The following POT1 variants were observed in gnomAD, a reference collection of about 807,000 sequenced individuals.
POT1 encodes protection of telomeres protein 1.
POT1 carries 47 observed loss-of-function variants against 78.5 expected under a neutral mutation model. The observed-to-expected ratio is 0.60, with a 90% confidence interval of 0.47 to 0.76. The LOEUF (loss-of-function observed/expected upper bound fraction) is 0.76, where lower values mean the gene tolerates loss of function less well. POT1 is among the 30% of genes least tolerant of loss of function. The pLI is 0.00. For missense variants in POT1, 646 were observed against 749.9 expected (o/e 0.86, Z 1.62); for synonymous variants, 259 against 260.7 (o/e 0.99, Z 0.06).
chr7:124,917,689 C>T (rs1238985650), intron 2 of POT1, among the ~76,000 whole-genome samples: 1 of 152,152 alleles, frequency 6.6e-6, no homozygotes, highest in Non-Finnish European at 1.5e-5. Context: ...AAAGCAGGTG[C>T]TTTTGCTTCA....
intron 6 of POT1, among the ~76,000 whole-genome samples, chr7:124,871,261 A>T (rs1795861333): frequency 6.6e-6 from 1 of 152,126 alleles, no homozygotes; most frequent in African/African-American, 2.4e-5. Flanking sequence ...TAGTAAAACA[A>T]AAATAAAAAT....
intron 3 of POT1, among the ~76,000 whole-genome samples, chr7:124,898,988 C>T (rs1796557751): frequency 1.3e-5 from 2 of 152,120 alleles, no homozygotes; most frequent in Admixed American, 1.3e-4. Flanking sequence ...TGCATTGCTG[C>T]ATATATATTT....
chr7:124,921,465 CA>C (rs1361988921), intron 2 of POT1, among the ~76,000 whole-genome samples: 1 of 151,678 alleles, frequency 6.6e-6, no homozygotes, highest in Non-Finnish European at 1.5e-5. Context: ...AAGAAAATTC[CA>C]GGAAAATAAA....
chr7:124,838,397 A>G (rs1794945985), intron 14 of POT1, among the ~76,000 whole-genome samples: 1 of 152,152 alleles, frequency 6.6e-6, no homozygotes, highest in South Asian at 2.1e-4. Context: ...TTAACATTAA[A>G]TAATTAGCAC....
chr7:124,909,298 A>G (rs1796835938), intron 3 of POT1, among the ~76,000 whole-genome samples: 2 of 151,946 alleles, frequency 1.3e-5, no homozygotes, highest in Non-Finnish European at 2.9e-5. Flanking sequence ...TCTGCAAAAT[A>G]TATCACATTA....
chr7:124,862,600 T>C (rs1459850298), intron 8 of POT1, among the ~76,000 whole-genome samples: 1 of 152,192 alleles, frequency 6.6e-6, no homozygotes, highest in Non-Finnish European at 1.5e-5. Context: ...TTTTTTAATA[T>C]GGGCAAGGTG....
chr7:124,826,458 T>G (rs4731216), intron 17 of POT1, among the ~76,000 whole-genome samples: 60,667 of 152,052 alleles, frequency 0.4, 12,234 homozygotes, highest in East Asian at 0.5. Flanking sequence ...GGACTTCCAA[T>G]TGCAATTAGT....
At chr7:124,903,133 A>G (rs533411146) in intron 3 of POT1, among the ~76,000 whole-genome samples, 1 of 152,332 alleles carries the variant, frequency 6.6e-6, no homozygotes, top group Admixed American at 6.5e-5. Context: ...GAAAGTTAAC[A>G]AGGATATCCA....
chr7:124,833,696 C>T (rs1794824155), intron 15 of POT1, among the ~76,000 whole-genome samples: 1 of 152,146 alleles, frequency 6.6e-6, no homozygotes, highest in African/African-American at 2.4e-5. Context: ...GAATCTAAAT[C>T]CTCACTGTTA....
intron 6 of POT1, among the ~76,000 whole-genome samples, chr7:124,881,016 T>G (rs1017572091): frequency 4.6e-5 from 7 of 152,012 alleles, no homozygotes; most frequent in Non-Finnish European, 8.8e-5. Context: ...CCTAAGGTTA[T>G]CTATAAAATA....
At chr7:124,859,401 T>C (rs1367950633) in intron 8 of POT1, among the ~76,000 whole-genome samples, 2 of 152,136 alleles carry the variant, frequency 1.3e-5, no homozygotes, top group Non-Finnish European at 2.9e-5. Context: ...CAAAATGATC[T>C]TGAAAAACAC....
chr7:124,846,704 C>A (rs1357822466), intron 12 of POT1, among the ~76,000 whole-genome samples: 1 of 149,178 alleles, frequency 6.7e-6, no homozygotes, highest in African/African-American at 2.5e-5. Flanking sequence ...CTGTTTTAAA[C>A]ATTAAGTCTG....
At chr7:124,912,095 G>A (rs932571121) in intron 3 of POT1, among the ~76,000 whole-genome samples, 2 of 152,096 alleles carry the variant, frequency 1.3e-5, no homozygotes, top group Admixed American at 6.6e-5. Context: ...CTTCCTCACT[G>A]AGGCTGTATC....
chr7:124,854,513 C>G (rs745464473), intron 9 of POT1, among the ~76,000 whole-genome samples: 63 of 151,998 alleles, frequency 4.1e-4, no homozygotes, highest in Non-Finnish European at 6.8e-4. Flanking sequence ...TATATTTCCC[C>G]TCATTACTCT....
At chr7:124,901,952 A>G (rs7456392) in intron 3 of POT1, among the ~76,000 whole-genome samples, 91,492 of 151,918 alleles carry the variant, frequency 0.6, 27,704 homozygotes, top group African/African-American at 0.65. Flanking sequence ...TGAATGAAAT[A>G]AACTGAGAAG....
intron 6 of POT1, among the ~76,000 whole-genome samples, chr7:124,874,499 C>T (rs1055255362): frequency 1.3e-5 from 2 of 151,866 alleles, no homozygotes; most frequent in Non-Finnish European, 2.9e-5. Flanking sequence ...TTTGGGAGGC[C>T]GAGTGGGTGG....
chr7:124,834,678 C>T (rs1397107146), intron 15 of POT1, among the ~76,000 whole-genome samples: 6 of 152,142 alleles, frequency 3.9e-5, no homozygotes, highest in Admixed American at 6.6e-5. Context: ...TTGTGGAACA[C>T]GGTATGGCAA....
chr7:124,924,209 G>C (rs983632347), intron 2 of POT1, among the ~76,000 whole-genome samples: 5 of 145,672 alleles, frequency 3.4e-5, no homozygotes, highest in African/African-American at 1.3e-4. Flanking sequence ...TATTTAAAGA[G>C]AGAAACAAAA....
chr7:124,825,772 C>G (rs552560254), intron 17 of POT1, among the ~76,000 whole-genome samples: 1 of 152,268 alleles, frequency 6.6e-6, no homozygotes, highest in Non-Finnish European at 1.5e-5. Context: ...ATTTTGTTTA[C>G]TTTGTTCACC....
Sources: allele counts gnomAD v4.1 joint callset (sites outside exome capture counted in the v4.1 genomes callset), GRCh38; gene constraint gnomAD v4.1.1; transcripts MANE v1.5; gene names NCBI Gene and HGNC (gene_info 2026-07-23, HGNC 2026-07-21).